ARHGAP10: variants seen among roughly 807,000 people sequenced by gnomAD.
The protein encoded by ARHGAP10 is Rho GTPase activating protein 10, also known as rho GTPase-activating protein 10.
ARHGAP10 carries 87 observed loss-of-function variants against 108.6 expected under a neutral mutation model. That is an observed-to-expected ratio of 0.80 (90% CI 0.67 to 0.96). The LOEUF is 0.96. Among genes scored for constraint, ARHGAP10 ranks in the 40% least tolerant of loss-of-function variants. The probability of loss-of-function intolerance (pLI) is 0.00; values close to 1 mark genes in which losing one functional copy is unlikely to be tolerated. For synonymous variants in ARHGAP10, 347 were observed against 341.1 expected, an observed-to-expected ratio of 1.02 and a Z score of -0.19; for missense variants, 939 against 954.5, an observed-to-expected ratio of 0.98 and a Z score of 0.21.
intron 17 of ARHGAP10, among the ~76,000 whole-genome samples, chr4:147,966,326 T>A (rs1349113845): frequency 6.6e-6 from 1 of 152,192 alleles, no homozygotes; most frequent in African/African-American, 2.4e-5. Flanking sequence ...AGGGTTGACT[T>A]TTCTTTATCC....
intron 13 of ARHGAP10, among the ~76,000 whole-genome samples, chr4:147,916,372 G>A (rs1736983278): frequency 6.6e-6 from 1 of 152,086 alleles, no homozygotes; most frequent in Admixed American, 6.6e-5. Flanking sequence ...CTATTTTATG[G>A]CATTTTTCTT....
intron 1 of ARHGAP10, among the ~76,000 whole-genome samples, chr4:147,776,011 C>T (rs1438305069): frequency 6.6e-6 from 1 of 152,132 alleles, no homozygotes; most frequent in Non-Finnish European, 1.5e-5. Context: ...TAAATCCAGG[C>T]TCCGAAAAGT....
At chr4:147,785,998 A>G (rs1442890592) in intron 1 of ARHGAP10, among the ~76,000 whole-genome samples, 1 of 152,100 alleles carries the variant, frequency 6.6e-6, no homozygotes, top group African/African-American at 2.4e-5. Context: ...TGATTTCGGG[A>G]AAATTGAGAT....
At chr4:148,012,550 T>G (rs958819319) in intron 18 of ARHGAP10, among the ~76,000 whole-genome samples, 1 of 152,240 alleles carries the variant, frequency 6.6e-6, no homozygotes, top group African/African-American at 2.4e-5. Context: ...AATGTATTAC[T>G]GCAGATTTTC....
At chr4:147,809,266 G>A (rs1356808917) in intron 1 of ARHGAP10, 2 of 152,110 alleles carry the variant, frequency 1.3e-5, no homozygotes, top group African/African-American at 4.8e-5. Context: ...TCAAATAATC[G>A]ACAGTCAAAA....
intron 18 of ARHGAP10, among the ~76,000 whole-genome samples, chr4:147,983,187 GTT>G (rs34988080): frequency 9.1e-5 from 12 of 131,580 alleles, no homozygotes; most frequent in Admixed American, 3.1e-4. Flanking sequence ...TGGCTGCTTT[GTT>G]TTTTTTTTTT....
At chr4:147,934,178 C>CT (rs1213896674) in intron 13 of ARHGAP10, among the ~76,000 whole-genome samples, 2 of 152,224 alleles carry the variant, frequency 1.3e-5, no homozygotes, top group African/African-American at 4.8e-5. Flanking sequence ...TTTTGGACCC[C>CT]TTGGCAGATA....
chr4:147,819,525 TTTTTA>T (rs1350620484), intron 1 of ARHGAP10, among the ~76,000 whole-genome samples: 2 of 151,748 alleles, frequency 1.3e-5, no homozygotes, highest in East Asian at 1.9e-4. Flanking sequence ...TTTATTTTTA[TTTTTA>T]TTTTATTATT....
intron 1 of ARHGAP10, among the ~76,000 whole-genome samples, chr4:147,792,163 G>T (rs1731150209): frequency 6.6e-6 from 1 of 152,178 alleles, no homozygotes; most frequent in South Asian, 2.1e-4. Flanking sequence ...TTGTACTGGT[G>T]ATTTTGTTGA....
chr4:147,965,585 G>A (rs1173144568), intron 17 of ARHGAP10, among the ~76,000 whole-genome samples: 3 of 152,164 alleles, frequency 2.0e-5, no homozygotes, highest in African/African-American at 7.2e-5. Context: ...CTTTCTTTAA[G>A]TATAGAGATC....
At chr4:148,041,055 C>T (rs548334326) in intron 19 of ARHGAP10, among the ~76,000 whole-genome samples, 2 of 152,120 alleles carry the variant, frequency 1.3e-5, no homozygotes, top group African/African-American at 4.8e-5. Context: ...TTCAGCGTCC[C>T]CCAGCTAGCC....
chr4:148,004,096 G>T (rs912480787), intron 18 of ARHGAP10, among the ~76,000 whole-genome samples: 1 of 152,184 alleles, frequency 6.6e-6, no homozygotes, highest in Non-Finnish European at 1.5e-5. Flanking sequence ...AGGTCCAGTG[G>T]TGCACGCCTG....
intron 3 of ARHGAP10, among the ~76,000 whole-genome samples, chr4:147,836,890 G>A (rs927007759): frequency 1.3e-5 from 2 of 151,770 alleles, no homozygotes; most frequent in South Asian, 2.1e-4. Context: ...TGGCTTTATA[G>A]TTGAGAATAT....
At chr4:147,807,966 A>T (rs1185483104) in intron 1 of ARHGAP10, among the ~76,000 whole-genome samples, 1 of 152,246 alleles carries the variant, frequency 6.6e-6, no homozygotes, top group Admixed American at 6.5e-5. Flanking sequence ...AATCCAGAGT[A>T]TCAGTAATAA....
intron 1 of ARHGAP10, among the ~76,000 whole-genome samples, chr4:147,774,553 C>G (rs895423628): frequency 6.6e-6 from 1 of 152,210 alleles, no homozygotes; most frequent in African/African-American, 2.4e-5. Flanking sequence ...TATTCTATAA[C>G]ATATTTACTT....
In ARHGAP10 at chr4:147,913,075, T is replaced by C. The variant is rs371096735; in HGVS notation, c.1164T>C (p.Asn388=). Reference sequence around the variant, plus strand: ...AATGTTTTAAACTGTTTCTTGTAGATGCACAGTTGGATAAGATGGGGTTCA... The same window carrying C: ...AATGTTTTAAACTGTTTCTTGTAGACGCACAGTTGGATAAGATGGGGTTCA... ...NTAIIPRPEG[N]AQLDKMGFTI... is the part of the protein sequence containing the mutation. Residue 388 remains asparagine, a splice_region_variant and synonymous_variant, in exon 13 of 23, where the codon AAT becomes AAC. Transcript: ENST00000336498. 1.9e-5 allele frequency: 30 copies of C among 1,612,774 alleles called. No individual in the cohort carries two copies. The highest frequency in any genetic ancestry group is 2.4e-5 in the Non-Finnish European group (28 of 1,178,928).
intron 10 of ARHGAP10, among the ~76,000 whole-genome samples, chr4:147,904,269 A>G (rs1397378579): frequency 6.6e-6 from 1 of 151,896 alleles, no homozygotes; most frequent in East Asian, 1.9e-4. Flanking sequence ...TTTAGGGTAC[A>G]TGTGCACAAT....
chr4:147,964,056 C>T (rs1031743930), intron 16 of ARHGAP10, among the ~76,000 whole-genome samples: 14 of 152,166 alleles, frequency 9.2e-5, no homozygotes, highest in African/African-American at 2.9e-4. Flanking sequence ...ACATCTGGGG[C>T]CTCACTGACC....
Position 148,063,167 on chromosome 4 carries a change from T to A in ARHGAP10, c.2047T>A (p.Ser683Thr), listed in dbSNP as rs1441268050. Residue 683 changes from serine (S) to threonine (T), a missense_variant, in exon 21 of 23, where the codon TCT (serine) becomes ACT (threonine). Physicochemically the swap from Ser to Thr is moderately conservative, Grantham distance 58. Coordinates refer to ENST00000336498, the MANE Select transcript of ARHGAP10 (RefSeq NM_024605.4). ...CCTTAGCCCAGGCCAGACCCGATCG[T>A]CTATGGTCCAGTGGCTTAACCCACA... ...ASTIPGQTRSSMVQWLNPQSP... is the reference protein window; with the variant it reads ...ASTIPGQTRSTMVQWLNPQSP... The A allele has an allele frequency of 6.2e-7, 1 of 1,614,072 alleles. No individual in the cohort carries two copies. The highest frequency in any genetic ancestry group is 8.5e-7 in the Non-Finnish European group (1 of 1,180,052).
Sources: allele counts gnomAD v4.1 joint callset (sites outside exome capture counted in the v4.1 genomes callset), GRCh38; gene constraint gnomAD v4.1.1; transcripts MANE v1.5; gene names NCBI Gene and HGNC (gene_info 2026-07-23, HGNC 2026-07-21).